Variants in MUS81 observed in about 807,000 individuals in gnomAD.
MUS81 encodes the protein structure-specific endonuclease subunit MUS81.
A neutral mutation model predicts 74.2 loss-of-function variants in MUS81; 69 were observed. That is an observed-to-expected ratio of 0.93 (90% CI 0.77 to 1.14). MUS81 has a LOEUF of 1.14. Ranked by LOEUF, MUS81 falls within the 50% of genes most tolerant of loss-of-function variation. The pLI, the probability that MUS81 is intolerant of heterozygous loss-of-function variation, is 0.00. For synonymous variants in MUS81, 303 were observed against 300.6 expected (o/e 1.01, Z -0.08); for missense variants, 711 against 726.5 (o/e 0.98, Z 0.25).
At chr11:65,863,749 AG>A (rs756882094) in intron 9 of MUS81, 28 bp downstream of exon 9, 1 of 1,613,572 alleles carries the variant, frequency 6.2e-7, no homozygotes, top group Non-Finnish European at 8.5e-7. Flanking sequence ...GGCTGGCACC[AG>A]GGGCAGGGCC....
chr11:65,866,149 G>C lies in MUS81; in HGVS notation c.*97G>C. On this transcript the variant is annotated 3_prime_UTR_variant, in exon 16 of 16. Transcript: ENST00000308110. ...CTTTTGGGGTACAATTAGAATCTAA[G>C]TGTTTGCAGCCATATGTGTCATGTA... 1 of 1,218,478 alleles carries C rather than the reference G, an allele frequency of 8.2e-7. No individual in the cohort carries two copies. Among genetic ancestry groups the C allele is most frequent in the Non-Finnish European group, 1.2e-6 (1 of 865,402 alleles). 75.5% of individuals were successfully genotyped at this position (1,218,478 alleles called of 1,614,324 possible).
At position 65,865,856 on chromosome 11, in the gene MUS81, GAC is replaced by G; in HGVS notation, c.1554_1555del (p.Leu519AlafsTer5). The G allele has an allele frequency of 3.1e-6, 5 of 1,614,126 alleles. No homozygotes were observed. The highest frequency in any genetic ancestry group is 4.2e-6 in the Non-Finnish European group (5 of 1,180,010). ...CCTGTGCCACCCCCAAGGAACAAGA[GAC>G]ACTGCTGAGCACCATTAAGTGTGGG... ...DACATPKEQE[T>X]LLSTIKCGRL... is the part of the protein sequence containing the mutation. On this transcript the variant is annotated frameshift_variant, in exon 15 of 16. Coordinates refer to ENST00000308110, the MANE Select transcript of MUS81 (RefSeq NM_025128.5). LOFTEE classifies it high-confidence loss of function.
intron 7 of MUS81, 31 bp from the exon 8 acceptor site, chr11:65,863,379 C>A: frequency 6.2e-7 from 1 of 1,612,906 alleles, no homozygotes; most frequent in East Asian, 2.2e-5. Flanking sequence ...ACAAGGGGTT[C>A]TGGCCTCACA....
chr11:65,867,551 C>T (rs1056430978), downstream of MUS81: 13 of 475,364 alleles, frequency 2.7e-5, no homozygotes, highest in Non-Finnish European at 3.1e-5. Context: ...GATCCACTAG[C>T]AAGGAGTGGA....
At chr11:65,865,643 A>AGCC in intron 14 of MUS81, 168 bp from the exon 15 acceptor site, 1 of 723,080 alleles carries the variant, frequency 1.4e-6, no homozygotes, top group South Asian at 1.8e-5. Flanking sequence ...GAGTTCCCAC[A>AGCC]GGGAGGGAGG....
chr11:65,863,703 A>G lies in MUS81; in HGVS notation c.943A>G (p.Thr315Ala), dbSNP rs1478767631. The G allele has an allele frequency of 6.2e-7, 1 of 1,613,842 alleles. No homozygotes were observed. The highest frequency in any genetic ancestry group is 1.3e-5 in the African/African-American group (1 of 74,938). The change falls in exon 9 of 16, where the codon ACC (threonine) becomes GCC (alanine). Residue 315 changes from threonine to alanine, a missense_variant. Physicochemically the swap from Thr to Ala is moderately conservative, Grantham distance 58. Coordinates refer to ENST00000308110, the MANE Select transcript of MUS81 (RefSeq NM_025128.5). ...AGATTTTGTGTGGGTGGCCCAGGAG[A>G]CCAATCCTAGAGACCCAGGTGAAGG... ...VGDFVWVAQE[T>A]NPRDPANPGE...
chr11:65,866,721 A>T, downstream of MUS81: 1 of 744,522 alleles, frequency 1.3e-6, no homozygotes, highest in Admixed American at 2.0e-5. Context: ...GCCTGAACAT[A>T]TAGAGACCCC....
At chr11:65,867,234 C>A, downstream of MUS81, 1 of 799,654 alleles carries the variant, frequency 1.3e-6, no homozygotes. Context: ...TTGACACCCT[C>A]GATGTCTCTC....
intron 2 of MUS81, 39 bp from the exon 3 acceptor site, chr11:65,861,311 A>T: frequency 1.9e-6 from 3 of 1,561,438 alleles, no homozygotes. Context: ...CAGCTGCCGG[A>T]TTCGTGGAGT....
In MUS81 at chr11:65,864,858, A is replaced by G. The variant is rs749623905; in HGVS notation, c.1272+43A>G. 31 of 1,595,330 alleles carry G rather than the reference A, an allele frequency of 1.9e-5. No individual in the cohort carries two copies. The African/African-American group carries it at 2.8e-4, about 15-fold the overall frequency. ...TCCCAGTGTCGGGACAGAGCCCACAAGGAATTCACCTTGCCTGGGCCCTGT... is the reference window on the plus strand; with the variant it reads ...TCCCAGTGTCGGGACAGAGCCCACAGGGAATTCACCTTGCCTGGGCCCTGT... On this transcript the variant is annotated intron_variant, in intron 12 of 15. Transcript: ENST00000308110.
chr11:65,864,395 T>G, intron 10 of MUS81, 102 bp from the exon 11 acceptor site: 1 of 1,055,896 alleles, frequency 9.5e-7, no homozygotes. Context: ...GGCTAACTGG[T>G]GGGAACAGGG....
chr11:65,860,864 C>G lies in MUS81; in HGVS notation c.111C>G (p.Arg37=). 1 of 1,553,300 alleles carries G rather than the reference C, an allele frequency of 6.4e-7. No homozygotes were observed. The highest frequency in any genetic ancestry group is 1.7e-4 in the Middle Eastern group (1 of 5,976). ...EWRDEATRSR[R]RTRFVFQKAL... The stretch of plus-strand genomic sequence containing the variant: ...GGGACGAGGCGACCCGCAGCAGGCG[C>G]CGCACGCGCTTCGTATTTCAGAAGG... Residue 37 remains arginine, a synonymous_variant, in exon 1 of 16, where the codon CGC becomes CGG. Transcript: ENST00000308110.
chr11:65,863,844 C>G lies in MUS81; in HGVS notation c.1002C>G (p.Arg334=). ...GELVLDHIVE[R]KRLDDLCSSI... is the part of the protein sequence containing the mutation. The stretch of plus-strand genomic sequence containing the variant: ...TGGTACTGGATCACATTGTGGAGCG[C>G]AAGCGACTGGATGACCTTTGCAGCA... Residue 334 remains arginine, a synonymous_variant, in exon 10 of 16, where the codon CGC becomes CGG. Coordinates refer to ENST00000308110, the MANE Select transcript of MUS81 (RefSeq NM_025128.5). The G allele has an allele frequency of 1.2e-6, 2 of 1,614,172 alleles. No individual in the cohort carries two copies. The highest frequency in any genetic ancestry group is 1.7e-6 in the Non-Finnish European group (2 of 1,180,024).
Position 65,862,479 on chromosome 11 carries a change from C to G in MUS81, c.555C>G (p.Leu185=). 6.2e-7 allele frequency: 1 copy of G among 1,613,854 alleles called. No homozygotes were observed. The highest frequency in any genetic ancestry group is 8.5e-7 in the Non-Finnish European group (1 of 1,179,968). Reference sequence around the variant, plus strand: ...GGAGTGCTCGACCCTGGCCAGCCCTCCGCTCCCTCCTTCACAGGAACCTGG... The same window carrying G: ...GGAGTGCTCGACCCTGGCCAGCCCTGCGCTCCCTCCTTCACAGGAACCTGG... ...APGSARPWPA[L]RSLLHRNLVL... The change falls in exon 6 of 16, where the codon CTC becomes CTG. Residue 185 remains leucine (L), a synonymous_variant. Transcript: ENST00000308110.
intron 6 of MUS81, 37 bp downstream of exon 6, chr11:65,862,566 T>G (rs1170033944): frequency 1.4e-5 from 23 of 1,591,332 alleles, no homozygotes; most frequent in Non-Finnish European, 2.0e-5. Context: ...AGAGCATGAG[T>G]GAACTTCTTA....
At position 65,863,726 on chromosome 11, in the gene MUS81, A is replaced by C; in HGVS notation, c.961+5A>C. The C allele has an allele frequency of 6.2e-7, 1 of 1,613,986 alleles. No homozygotes were observed. Among genetic ancestry groups the C allele is most frequent in the Non-Finnish European group, 8.5e-7 (1 of 1,179,952 alleles). On this transcript the variant is annotated splice_donor_5th_base_variant and intron_variant, in intron 9 of 15. Transcript: ENST00000308110. ...AGACCAATCCTAGAGACCCAGGTGA[A>C]GGGCCGTGGACAGGCTGGCACCAGG...
chr11:65,863,892 G>A lies in MUS81; in HGVS notation c.1050G>A (p.Arg350=), dbSNP rs1347297494. Residue 350 remains arginine, a synonymous_variant, in exon 10 of 16, where the codon CGG becomes CGA. Coordinates refer to ENST00000308110, the MANE Select transcript of MUS81 (RefSeq NM_025128.5). The stretch of plus-strand genomic sequence containing the variant: ...GCAGCATCATCGACGGCCGCTTCCG[G>A]GAGCAGAAGGTAATTTTGCTGGCTT... The part of the protein sequence containing the change: ...LCSSIIDGRF[R]EQKFRLKRCG... 3 of 1,614,078 alleles carry A rather than the reference G, an allele frequency of 1.9e-6. No individual in the cohort carries two copies. Among genetic ancestry groups the A allele is most frequent in the Non-Finnish European group, 1.7e-6 (2 of 1,180,002 alleles).
At position 65,860,994 on chromosome 11, in the gene MUS81, T is replaced by TA; in HGVS notation, c.158dup (p.Tyr53Ter). The TA allele has an allele frequency of 6.2e-7, 1 of 1,612,126 alleles. No homozygotes were observed. The highest frequency in any genetic ancestry group is 1.1e-5 in the South Asian group (1 of 91,068). The change falls in exon 2 of 16, where the codon TAC becomes TAAC. Residue 53 changes from tyrosine to a stop codon, truncating the protein, a stop_gained and frameshift_variant. Transcript: ENST00000308110. LOFTEE classifies it high-confidence loss of function. ...CCAGGCGCTGCGTTCCCTCCGACGGTACCCACTGCCGCTGCGCAGCGGGAA... is the reference window on the plus strand; with the variant it reads ...CCAGGCGCTGCGTTCCCTCCGACGGTAACCCACTGCCGCTGCGCAGCGGGAA... ...FQKALRSLRR[Y>*]PLPLRSGKEA...
downstream of MUS81, chr11:65,867,359 G>T: frequency 1.9e-6 from 1 of 535,328 alleles, no homozygotes. Context: ...TGTGGCTCTT[G>T]GGACTGGTGG....
Sources: allele counts gnomAD v4.1 joint callset, GRCh38; gene constraint gnomAD v4.1.1; transcripts MANE v1.5; gene names NCBI Gene and HGNC (gene_info 2026-07-23, HGNC 2026-07-21).